ADAMTSL1: variants seen among roughly 807,000 people sequenced by gnomAD.
ADAMTSL1 encodes ADAMTS like 1.
ADAMTSL1 carries 126 observed loss-of-function variants against 201.8 expected under a neutral mutation model. The ratio of observed to expected loss-of-function variants is 0.62; its 90% CI spans 0.54 to 0.72. The LOEUF is 0.72. Among genes scored for constraint, ADAMTSL1 ranks in the 30% least tolerant of loss-of-function variants. The probability of loss-of-function intolerance (pLI) is 0.00; values close to 1 mark genes in which losing one functional copy is unlikely to be tolerated. For synonymous variants in ADAMTSL1, 1,121 were observed against 903.4 expected (o/e 1.24, Z -4.32); for missense variants, 2,679 against 2,277.8 (o/e 1.18, Z -3.59).
intron 2 of ADAMTSL1, among the ~76,000 whole-genome samples, chr9:18,408,453 A>G (rs975717645): frequency 9.2e-5 from 14 of 152,070 alleles, no homozygotes; most frequent in African/African-American, 3.4e-4. Flanking sequence ...CCTGGGTGAT[A>G]GAGTGAGACA....
At chr9:18,210,676 C>T (rs1389947890) in intron 2 of ADAMTSL1, among the ~76,000 whole-genome samples, 1 of 151,554 alleles carries the variant, frequency 6.6e-6, no homozygotes, top group Non-Finnish European at 1.5e-5. Flanking sequence ...TGTCAGTTTT[C>T]TATAACTTAC....
intron 23 of ADAMTSL1, among the ~76,000 whole-genome samples, chr9:18,834,737 T>C (rs1825206428): frequency 6.6e-6 from 1 of 152,154 alleles, no homozygotes; most frequent in Admixed American, 6.6e-5. Flanking sequence ...CTAATGCCTT[T>C]GGGATATTTT....
chr9:18,452,812 G>A (rs1820460305), intron 2 of ADAMTSL1, among the ~76,000 whole-genome samples: 2 of 152,238 alleles, frequency 1.3e-5, no homozygotes, highest in South Asian at 4.1e-4. Flanking sequence ...GGGCCGCCAA[G>A]GCCTCACGCA....
At chr9:18,646,126 T>G (rs1460388027) in intron 7 of ADAMTSL1, among the ~76,000 whole-genome samples, 2 of 151,858 alleles carry the variant, frequency 1.3e-5, no homozygotes, top group Non-Finnish European at 2.9e-5. Flanking sequence ...GTTGGATTCC[T>G]AGGTATTTTA....
chr9:18,065,029 A>G (rs1173976373), intron 1 of ADAMTSL1, among the ~76,000 whole-genome samples: 3 of 142,388 alleles, frequency 2.1e-5, no homozygotes, highest in African/African-American at 8.0e-5. Flanking sequence ...AAAGGGTTGA[A>G]AAGATACGGA....
At chr9:18,273,647 G>A (rs887714240) in intron 2 of ADAMTSL1, among the ~76,000 whole-genome samples, 2 of 152,132 alleles carry the variant, frequency 1.3e-5, no homozygotes, top group African/African-American at 4.8e-5. Context: ...AGAGTGTCAA[G>A]TGTGGTACCA....
At chr9:18,061,780 G>T (rs774933219) in intron 1 of ADAMTSL1, among the ~76,000 whole-genome samples, 2 of 152,198 alleles carry the variant, frequency 1.3e-5, no homozygotes, top group Admixed American at 6.6e-5. Context: ...ATTTCACAGA[G>T]ATCAGTTTGG....
At chr9:18,280,222 T>G (rs900684683) in intron 2 of ADAMTSL1, among the ~76,000 whole-genome samples, 7 of 151,832 alleles carry the variant, frequency 4.6e-5, no homozygotes, top group African/African-American at 1.7e-4. Flanking sequence ...CTGGGGTGGG[T>G]CTGAATGCTG....
chr9:18,056,906 CT>C (rs201804148), intron 1 of ADAMTSL1, among the ~76,000 whole-genome samples: 2,082 of 152,174 alleles, frequency 0.014, 26 homozygotes, highest in Middle Eastern at 0.051. Flanking sequence ...TTTTTCAAGA[CT>C]GGAGCCTTAA....
rs748240971 is a variant in ADAMTSL1, at chr9:18,770,596, C to T, written c.2218-6C>T. The T allele has an allele frequency of 2.5e-6, 4 of 1,605,506 alleles. No individual in the cohort carries two copies. Among genetic ancestry groups the T allele is most frequent in the Non-Finnish European group, 3.4e-6 (4 of 1,175,050 alleles). ...CTTTTTCTTCTTTCCTTCTTTCTTT[C>T]CCCAGTGTTCCAGAACGTGTGGCGG... is the stretch of plus-strand genomic sequence containing the variant. On this transcript the variant is annotated splice_region_variant and splice_polypyrimidine_tract_variant and intron_variant, in intron 16 of 28. Transcript: ENST00000380548.
At chr9:18,158,427 T>G (rs766824494) in intron 1 of ADAMTSL1, among the ~76,000 whole-genome samples, 3 of 151,928 alleles carry the variant, frequency 2.0e-5, no homozygotes. Context: ...GGAATGAAGA[T>G]TTTTTGGATT....
intron 2 of ADAMTSL1, among the ~76,000 whole-genome samples, chr9:18,421,723 G>A (rs1441491338): frequency 1.3e-5 from 2 of 152,056 alleles, no homozygotes; most frequent in Non-Finnish European, 2.9e-5. Context: ...AGTACAGATT[G>A]CTGTACAGAA....
At chr9:18,024,739 G>A (rs1470884173) in intron 1 of ADAMTSL1, among the ~76,000 whole-genome samples, 1 of 152,076 alleles carries the variant, frequency 6.6e-6, no homozygotes, top group Non-Finnish European at 1.5e-5. Context: ...GAGTACGTGT[G>A]TCTTTTTTGG....
chr9:18,562,278 T>C (rs185254726), intron 3 of ADAMTSL1, among the ~76,000 whole-genome samples: 131 of 152,342 alleles, frequency 8.6e-4, no homozygotes, highest in African/African-American at 3.0e-3. Flanking sequence ...CCTTCACTTA[T>C]GAAGCTTAGT....
intron 19 of ADAMTSL1, among the ~76,000 whole-genome samples, chr9:18,791,135 T>G (rs1170560200): frequency 6.6e-6 from 1 of 152,144 alleles, no homozygotes; most frequent in Non-Finnish European, 1.5e-5. Context: ...AAAGAAAATG[T>G]TTTTTTCCAG....
chr9:18,881,270 C>T (rs983926939), intron 23 of ADAMTSL1, among the ~76,000 whole-genome samples: 2 of 152,170 alleles, frequency 1.3e-5, no homozygotes, highest in Non-Finnish European at 2.9e-5. Flanking sequence ...AGCAAGAGAC[C>T]TGTCTTGGCT....
At position 18,300,450 on chromosome 9, in the gene ADAMTSL1, G is replaced by C. The variant is rs910593868; in HGVS notation, c.207+136469G>C. Among the ~76,000 whole-genome samples, 4 of 151,390 alleles carry C rather than the reference G, an allele frequency of 2.6e-5. No individual in the cohort carries two copies. In the South Asian group the frequency reaches 8.4e-4, roughly 32 times the overall value. Reference sequence around the variant, plus strand: ...CACAGGGCGGGTAACATCACACACTGGGGCCTGTCAGGGGGAGGGGGGCTG... The same window carrying C: ...CACAGGGCGGGTAACATCACACACTCGGGCCTGTCAGGGGGAGGGGGGCTG... On this transcript the variant is annotated intron_variant, in intron 2 of 29. Coordinates refer to the ADAMTSL1 transcript ENST00000680146.
At chr9:18,625,146 A>C (rs1305290231) in intron 5 of ADAMTSL1, among the ~76,000 whole-genome samples, 2 of 152,182 alleles carry the variant, frequency 1.3e-5, no homozygotes, top group Non-Finnish European at 2.9e-5. Context: ...CACCTGGAGG[A>C]GTCCTGCCAG....
chr9:18,004,880 C>T (rs1267630606), intron 1 of ADAMTSL1, among the ~76,000 whole-genome samples: 1 of 151,946 alleles, frequency 6.6e-6, no homozygotes, highest in Non-Finnish European at 1.5e-5. Context: ...GAAGACGTAC[C>T]AAATGTAACT....
Sources: allele counts gnomAD v4.1 joint callset (sites outside exome capture counted in the v4.1 genomes callset), GRCh38; gene constraint gnomAD v4.1.1; transcripts MANE v1.5; gene names NCBI Gene and HGNC (gene_info 2026-07-23, HGNC 2026-07-21).